The following LRRC4C variants were observed in gnomAD, a reference collection of about 807,000 sequenced individuals.
LRRC4C encodes leucine-rich repeat-containing protein 4C.
Under a neutral mutation model 33.6 loss-of-function variants are expected in LRRC4C, and 5 were observed. The observed-to-expected ratio is 0.15, with a 90% CI of 0.08 to 0.31. LRRC4C has a LOEUF of 0.31. LRRC4C is among the 10% of genes least tolerant of loss of function. The pLI, the probability that LRRC4C is intolerant of heterozygous loss-of-function variation, is 1.00. For synonymous variants in LRRC4C, 329 were observed against 302.0 expected, an observed-to-expected ratio of 1.09 and a Z score of -0.93; for missense variants, 560 against 796.7, an observed-to-expected ratio of 0.70 and a Z score of 3.58.
At chr11:41,035,434 T>C (rs905533515) in intron 1 of LRRC4C, among the ~76,000 whole-genome samples, 1 of 152,072 alleles carries the variant, frequency 6.6e-6, no homozygotes, top group Non-Finnish European at 1.5e-5. Flanking sequence ...TCTGTGACCA[T>C]GTGTTCTCAT....
intron 1 of LRRC4C, among the ~76,000 whole-genome samples, chr11:40,966,668 G>C: frequency 6.6e-6 from 1 of 152,012 alleles, no homozygotes; most frequent in East Asian, 1.9e-4. Flanking sequence ...TCATGCCTCT[G>C]TCCTCATTAA....
intron 3 of LRRC4C, among the ~76,000 whole-genome samples, chr11:40,331,898 C>T (rs1946380496): frequency 6.6e-6 from 1 of 152,094 alleles, no homozygotes; most frequent in Admixed American, 6.6e-5. Context: ...TAAGCCAATT[C>T]TCATAATATT....
At chr11:40,364,624 T>C (rs1290306237) in intron 3 of LRRC4C, among the ~76,000 whole-genome samples, 1 of 151,908 alleles carries the variant, frequency 6.6e-6, no homozygotes, top group Non-Finnish European at 1.5e-5. Flanking sequence ...TGTCTCAGAA[T>C]TGTCAGAAAA....
At chr11:40,317,080 A>G (rs900236978) in intron 4 of LRRC4C, among the ~76,000 whole-genome samples, 3 of 152,008 alleles carry the variant, frequency 2.0e-5, no homozygotes, top group Non-Finnish European at 2.9e-5. Flanking sequence ...TTAATAGTTT[A>G]TTCAACTAAT....
intron 5 of LRRC4C, among the ~76,000 whole-genome samples, chr11:40,154,306 A>G (rs1320291973): frequency 2.0e-5 from 3 of 151,880 alleles, no homozygotes; most frequent in Non-Finnish European, 1.5e-5. Flanking sequence ...AAAAAAAACA[A>G]AAAGCAAAGT....
At chr11:40,957,221 A>G (rs1213508531) in intron 1 of LRRC4C, among the ~76,000 whole-genome samples, 2 of 151,750 alleles carry the variant, frequency 1.3e-5, no homozygotes, top group Admixed American at 6.6e-5. Context: ...AGGTTTTGCA[A>G]GAAGTAGATG....
intron 1 of LRRC4C, among the ~76,000 whole-genome samples, chr11:41,148,129 C>T (rs1943814176): frequency 6.6e-6 from 1 of 152,090 alleles, no homozygotes; most frequent in African/African-American, 2.4e-5. Context: ...AACAATCCTG[C>T]CTCAGCCTCC....
chr11:41,006,733 G>T lies in LRRC4C; in HGVS notation c.-495-73010C>A, dbSNP rs528237458. The stretch of plus-strand genomic sequence containing the variant: ...GAAAGACCAAAAGAGAGAGACTAGA[G>T]AAAGAAAAAGCTTCAAGGATTAAAT... On this transcript the variant is annotated intron_variant, in intron 1 of 6. Coordinates refer to ENST00000528697, the MANE Select transcript of LRRC4C (RefSeq NM_001258419.2). Among the ~76,000 whole-genome samples the T allele has an allele frequency of 8.5e-5, 13 of 152,168 alleles. No homozygotes were observed. The South Asian group carries it at 1.7e-3, about 19-fold the overall frequency.
chr11:40,784,796 G>A lies in LRRC4C; in HGVS notation c.-406-136518C>T, dbSNP rs1221079522. On this transcript the variant is annotated intron_variant, in intron 2 of 6. Transcript: ENST00000528697. Reference sequence around the variant, plus strand: ...TTGCGCTGATCTTTAGTCTAGAAAGGGTATGAAATAGTGTATAGTTTTTAA... The same window carrying A: ...TTGCGCTGATCTTTAGTCTAGAAAGAGTATGAAATAGTGTATAGTTTTTAA... 3.3e-5 allele frequency among the ~76,000 whole-genome samples: 5 copies of A among 152,182 alleles called. No homozygotes were observed. The East Asian group carries it at 7.7e-4, about 23-fold the overall frequency.
chr11:40,394,913 C>T (rs1565346329), intron 3 of LRRC4C, among the ~76,000 whole-genome samples: 1 of 152,046 alleles, frequency 6.6e-6, no homozygotes, highest in Admixed American at 6.6e-5. Flanking sequence ...TCCTATCAAC[C>T]TTGACGGCCT....
chr11:40,589,714 T>G (rs995733195), intron 3 of LRRC4C, among the ~76,000 whole-genome samples: 6 of 151,682 alleles, frequency 4.0e-5, no homozygotes, highest in Admixed American at 3.9e-4. Flanking sequence ...CTGTAAAGTA[T>G]TTTATTTCTC....
At chr11:40,136,984 T>C (rs1024817137) in intron 6 of LRRC4C, among the ~76,000 whole-genome samples, 2 of 152,248 alleles carry the variant, frequency 1.3e-5, no homozygotes, top group African/African-American at 4.8e-5. Flanking sequence ...TGTTTTGTTT[T>C]TGATTTTGCT....
chr11:40,208,264 G>A (rs1054138557), intron 5 of LRRC4C, among the ~76,000 whole-genome samples: 1 of 152,232 alleles, frequency 6.6e-6, no homozygotes, highest in Non-Finnish European at 1.5e-5. Context: ...TGGAGTAAAC[G>A]AATGTTGAGC....
At chr11:40,121,421 A>G (rs1199911185) in intron 6 of LRRC4C, among the ~76,000 whole-genome samples, 1 of 152,218 alleles carries the variant, frequency 6.6e-6, no homozygotes, top group Non-Finnish European at 1.5e-5. Flanking sequence ...TATCAACAAA[A>G]GGTTTTTTAC....
At chr11:41,393,527 GTTTC>G (rs1201278966) in intron 1 of LRRC4C, among the ~76,000 whole-genome samples, 7 of 151,824 alleles carry the variant, frequency 4.6e-5, no homozygotes, top group Non-Finnish European at 1.5e-5. Flanking sequence ...TTCAGATCAT[GTTTC>G]TTTCCAGAAA....
chr11:41,257,008 T>C (rs1366965012), intron 1 of LRRC4C, among the ~76,000 whole-genome samples: 1 of 151,948 alleles, frequency 6.6e-6, no homozygotes, highest in Non-Finnish European at 1.5e-5. Context: ...AATACAAAAA[T>C]TGAGATAAAG....
intron 5 of LRRC4C, among the ~76,000 whole-genome samples, chr11:40,162,366 G>A (rs1859227101): frequency 6.6e-6 from 1 of 152,110 alleles, no homozygotes; most frequent in Non-Finnish European, 1.5e-5. Context: ...CAGAATTAGA[G>A]AAAGAGATAT....
intron 3 of LRRC4C, among the ~76,000 whole-genome samples, chr11:40,538,304 C>T (rs115900598): frequency 0.014 from 2,148 of 152,068 alleles, 55 homozygotes; most frequent in African/African-American, 0.049. Flanking sequence ...CCACACAGGC[C>T]CCAGTGTGTG....
At chr11:41,085,518 A>T (rs1436596839) in intron 1 of LRRC4C, among the ~76,000 whole-genome samples, 3 of 152,098 alleles carry the variant, frequency 2.0e-5, no homozygotes, top group African/African-American at 7.2e-5. Context: ...ATTAATAATA[A>T]TATAACTATC....
Sources: gnomAD v4.1 joint callset for allele counts (sites outside exome capture counted in the v4.1 genomes callset) on GRCh38, gnomAD v4.1.1 for gene constraint, MANE v1.5 for transcripts, NCBI Gene and HGNC (gene_info 2026-07-23, HGNC 2026-07-21) for gene names.